Variants in SENP1 observed in about 807,000 individuals in gnomAD.
The protein encoded by SENP1 is sentrin-specific protease 1.
A neutral mutation model predicts 93.0 loss-of-function variants in SENP1; 21 were observed. That is an observed-to-expected ratio of 0.23 (90% confidence interval 0.16 to 0.33). The LOEUF (loss-of-function observed/expected upper bound fraction) is 0.33, where lower values mean the gene tolerates loss of function less well. SENP1 is among the 10% of genes least tolerant of loss of function. The pLI, the probability that SENP1 is intolerant of heterozygous loss-of-function variation, is 1.00. For synonymous variants in SENP1, 256 were observed against 259.6 expected, an observed-to-expected ratio of 0.99 and a Z score of 0.13; for missense variants, 591 against 758.7, an observed-to-expected ratio of 0.78 and a Z score of 2.60.
At position 48,063,772 on chromosome 12, in the gene SENP1, G is replaced by A. The variant is rs781395484; in HGVS notation, c.1345C>T (p.Arg449Cys). The change falls in exon 13 of 18, where the codon CGC becomes TGC. Residue 449 changes from arginine (R) to cysteine (C), a missense_variant. Physicochemically the swap from Arg to Cys is radical, Grantham distance 180 (BLOSUM62 -3). Transcript: ENST00000549518. ...NQDEVLSEAF[R>C]LTITRKDIQT... ...ATATCTTTGCGTGTAATGGTCAGGCGAAATGCTTCACTGAGAACTTCATCC... is the reference window on the plus strand; with the variant it reads ...ATATCTTTGCGTGTAATGGTCAGGCAAAATGCTTCACTGAGAACTTCATCC... 2.9e-5 allele frequency: 46 copies of A among 1,612,806 alleles called. No homozygotes were observed. The highest frequency in any genetic ancestry group is 2.5e-5 in the Non-Finnish European group (30 of 1,179,284).
At chr12:48,073,470 C>G (rs1202934195) in intron 8 of SENP1, among the ~76,000 whole-genome samples, 1 of 151,670 alleles carries the variant, frequency 6.6e-6, no homozygotes, top group East Asian at 1.9e-4. Context: ...GACTAGTGCT[C>G]CATCTATCAA....
rs1943722028 is a variant in SENP1, at chr12:48,071,738, G to A, written c.941-17C>T. On this transcript the variant is annotated splice_polypyrimidine_tract_variant and intron_variant, in intron 8 of 17. Transcript: ENST00000549518. ...AGTCTGATCCTAAAGAAACACAAGA[G>A]CATTTCATTAGTAATAAAACTCCAC... is the stretch of plus-strand genomic sequence containing the variant. 1 of 1,568,742 alleles carries A rather than the reference G, an allele frequency of 6.4e-7. No homozygotes were observed. Among genetic ancestry groups the A allele is most frequent in the Admixed American group, 1.7e-5 (1 of 59,406 alleles).
chr12:48,056,215 T>A (rs1182104596), intron 13 of SENP1, among the ~76,000 whole-genome samples: 1 of 115,778 alleles, frequency 8.6e-6, no homozygotes, highest in African/African-American at 3.6e-5. Flanking sequence ...ATTTAATATA[T>A]ATTTAAAATG....
chr12:48,073,828 G>C (rs1056243137), intron 8 of SENP1, among the ~76,000 whole-genome samples: 9 of 152,112 alleles, frequency 5.9e-5, no homozygotes, highest in African/African-American at 2.2e-4. Context: ...GAAGCAATTG[G>C]GCTGAGTATA....
chr12:48,086,735 C>T (rs1235121033), intron 5 of SENP1, among the ~76,000 whole-genome samples: 1 of 151,998 alleles, frequency 6.6e-6, no homozygotes, highest in African/African-American at 2.4e-5. Flanking sequence ...AAAGTCATGT[C>T]ATTTAAAAAA....
rs866691749 is a variant in SENP1 at position 48,084,960 on chromosome 12, G to A, written c.381-1198C>T. 5.0e-5 allele frequency: 30 copies of A among 601,842 alleles called. 1 individual carries two copies. The Middle Eastern group carries it at 6.8e-3, about 136-fold the overall frequency. 37.3% of individuals were successfully genotyped at this position (601,842 alleles called of 1,614,324 possible). A position where few individuals can be genotyped will look rare whatever the true frequency, so the allele number is the denominator to read the frequency against. The stretch of plus-strand genomic sequence containing the variant: ...CAAGATCTAAAGAAAATCAAACAGT[G>A]CATAATTCTCTTTAAGTCTTCTTGG... On this transcript the variant is annotated intron_variant, in intron 5 of 17. Transcript: ENST00000549518.
At chr12:48,069,152 C>CAAAAAAAAAAAAAAAAAAAAAAAAAAAAA (rs10564674) in intron 9 of SENP1, among the ~76,000 whole-genome samples, 1 of 76,336 alleles carries the variant, frequency 1.3e-5, no homozygotes, top group Non-Finnish European at 2.2e-5. Context: ...GACTCTGTCA[C>CAAAAAAAAAAAAAAAAAAAAAAAAAAAAA]AAAAAAAAAA....
chr12:48,056,082 A>G (rs1363611183), intron 13 of SENP1, among the ~76,000 whole-genome samples: 4 of 123,756 alleles, frequency 3.2e-5, no homozygotes, highest in Non-Finnish European at 6.2e-5. Context: ...TATATTATAT[A>G]TTTACCATAC....
rs1170748674 is a variant in SENP1 at position 48,043,179 on chromosome 12, AG to A, written c.*2142del. ...TTGTGCAAAACTGCATTAGTCAGAA[AG>A]GGGGCCCAAATTCAGACAGGCTCAA... On this transcript the variant is annotated 3_prime_UTR_variant, in exon 18 of 18. Coordinates refer to ENST00000549518, the MANE Select transcript of SENP1 (RefSeq NM_001267594.2). The A allele has an allele frequency of 1.3e-5, 2 of 152,640 alleles. No individual in the cohort carries two copies. Among genetic ancestry groups the A allele is most frequent in the African/African-American group, 4.8e-5 (2 of 41,448 alleles). The allele number at this position is 152,640 out of a possible 1,614,324, so 9.5% of individuals were successfully genotyped here. A position where few individuals can be genotyped will look rare whatever the true frequency, so the allele number is the denominator to read the frequency against.
At chr12:48,103,235 G>A (rs533061873) in intron 1 of SENP1, among the ~76,000 whole-genome samples, 1 of 152,252 alleles carries the variant, frequency 6.6e-6, no homozygotes, top group Admixed American at 6.5e-5. Flanking sequence ...AAGAGAAAAG[G>A]AAGCTAGAAA....
intron 1 of SENP1, among the ~76,000 whole-genome samples, chr12:48,104,829 T>C (rs755666495): frequency 1.3e-5 from 2 of 152,128 alleles, no homozygotes; most frequent in Non-Finnish European, 2.9e-5. Context: ...ATTAGATGAG[T>C]GACATGAAGA....
chr12:48,072,946 C>G (rs574642675), intron 8 of SENP1, among the ~76,000 whole-genome samples: 2 of 148,912 alleles, frequency 1.3e-5, no homozygotes, highest in Non-Finnish European at 3.0e-5. Context: ...ATCTACAATG[C>G]GACTGAATTA....
intron 13 of SENP1, among the ~76,000 whole-genome samples, chr12:48,056,819 TAA>T (rs1431078215): frequency 1.7e-5 from 1 of 57,924 alleles, no homozygotes; most frequent in South Asian, 5.9e-4. Context: ...ATTACATATA[TAA>T]ATATATTTAA....
At chr12:48,092,359 T>C (rs1399394080) in intron 4 of SENP1, among the ~76,000 whole-genome samples, 1 of 152,162 alleles carries the variant, frequency 6.6e-6, no homozygotes, top group African/African-American at 2.4e-5. Context: ...GAGAGCATAA[T>C]TGGAATGAGT....
At chr12:48,087,677 T>C (rs1313362362) in intron 5 of SENP1, among the ~76,000 whole-genome samples, 1 of 152,176 alleles carries the variant, frequency 6.6e-6, no homozygotes, top group Non-Finnish European at 1.5e-5. Context: ...TGTGAGTGTA[T>C]GAGTGAATTA....
chr12:48,084,746 C>T (rs926776308), intron 5 of SENP1, among the ~76,000 whole-genome samples: 1 of 152,104 alleles, frequency 6.6e-6, no homozygotes, highest in Non-Finnish European at 1.5e-5. Flanking sequence ...CAGCACCCAG[C>T]CAATTTTGAG....
intron 4 of SENP1, among the ~76,000 whole-genome samples, chr12:48,090,426 C>T (rs1945141769): frequency 6.6e-6 from 1 of 152,140 alleles, no homozygotes; most frequent in African/African-American, 2.4e-5. Flanking sequence ...TTCTCAACGG[C>T]ATGTGACAGA....
chr12:48,069,465 A>G (rs763057268), intron 9 of SENP1, among the ~76,000 whole-genome samples: 3 of 152,160 alleles, frequency 2.0e-5, no homozygotes, highest in Non-Finnish European at 4.4e-5. Context: ...CTGCCATCTC[A>G]TTCTTTAGTC....
chr12:48,072,045 A>G (rs1943739714), intron 8 of SENP1, among the ~76,000 whole-genome samples: 1 of 152,226 alleles, frequency 6.6e-6, no homozygotes. Context: ...AGGATTCCTT[A>G]AAAGTCTTCA....
Sources: gnomAD v4.1 joint callset for allele counts (sites outside exome capture counted in the v4.1 genomes callset) on GRCh38, gnomAD v4.1.1 for gene constraint, MANE v1.5 for transcripts, NCBI Gene and HGNC (gene_info 2026-07-23, HGNC 2026-07-21) for gene names.